Variants in SIPA1L1 observed in about 807,000 individuals in gnomAD.
SIPA1L1 encodes signal-induced proliferation-associated 1-like protein 1.
SIPA1L1 carries 26 observed loss-of-function variants against 162.7 expected under a neutral mutation model. The observed-to-expected ratio is 0.16, with a 90% CI of 0.12 to 0.22. The LOEUF (loss-of-function observed/expected upper bound fraction) is 0.22, where lower values mean the gene tolerates loss of function less well. Among genes scored for constraint, SIPA1L1 ranks in the 10% least tolerant of loss-of-function variants. The pLI is 1.00. For missense variants in SIPA1L1, 1,874 were observed against 2,241.0 expected (o/e 0.84, Z 3.31); for synonymous variants, 829 against 837.4 (o/e 0.99, Z 0.17).
intron 3 of SIPA1L1, among the ~76,000 whole-genome samples, chr14:71,517,423 A>G (rs942289966): frequency 1.3e-5 from 2 of 152,216 alleles, no homozygotes; most frequent in African/African-American, 4.8e-5. Context: ...TTTTCCTGCA[A>G]ACAAAACCAC....
chr14:71,540,217 C>T (rs1448201326), intron 4 of SIPA1L1, among the ~76,000 whole-genome samples: 1 of 152,206 alleles, frequency 6.6e-6, no homozygotes, highest in African/African-American at 2.4e-5. Context: ...GCTAGTTCCT[C>T]TGAGGGGAAG....
intron 17 of SIPA1L1, among the ~76,000 whole-genome samples, chr14:71,721,053 C>G (rs1395699735): frequency 6.6e-6 from 1 of 152,150 alleles, no homozygotes; most frequent in East Asian, 1.9e-4. Flanking sequence ...TTATTCCAAT[C>G]TTGGCAGCCT....
At chr14:71,346,480 A>G (rs1442101479) in intron 2 of SIPA1L1, among the ~76,000 whole-genome samples, 3 of 152,214 alleles carry the variant, frequency 2.0e-5, no homozygotes, top group Non-Finnish European at 4.4e-5. Context: ...AAGGTGTCTC[A>G]TGAAGCTCAG....
intron 2 of SIPA1L1, among the ~76,000 whole-genome samples, chr14:71,339,409 C>T (rs2140391221): frequency 6.6e-6 from 1 of 150,526 alleles, no homozygotes; most frequent in East Asian, 2.0e-4. Flanking sequence ...GTAGGCCAGG[C>T]TGGAGTGCAG....
At chr14:71,509,085 T>C (rs934141503) in intron 2 of SIPA1L1, among the ~76,000 whole-genome samples, 1 of 152,198 alleles carries the variant, frequency 6.6e-6, no homozygotes, top group South Asian at 2.1e-4. Context: ...GAAAATTTAT[T>C]TGAAGGTCCG....
At chr14:71,720,229 T>C (rs1249174813) in intron 17 of SIPA1L1, among the ~76,000 whole-genome samples, 1 of 152,204 alleles carries the variant, frequency 6.6e-6, no homozygotes, top group East Asian at 1.9e-4. Flanking sequence ...GAATAAACTT[T>C]GTGCCCCGAT....
chr14:71,620,413 T>A (rs2039310189), intron 6 of SIPA1L1, among the ~76,000 whole-genome samples: 1 of 152,196 alleles, frequency 6.6e-6, no homozygotes, highest in Non-Finnish European at 1.5e-5. Flanking sequence ...TACTTCCAAG[T>A]ATTTTTGTCT....
At chr14:71,738,746 CCTGA>C (rs1218017326) in intron 23 of SIPA1L1, among the ~76,000 whole-genome samples, 1 of 152,112 alleles carries the variant, frequency 6.6e-6, no homozygotes, top group African/African-American at 2.4e-5. Flanking sequence ...TTAAGACAAT[CCTGA>C]CTAACAAGGA....
chr14:71,453,356 C>T (rs911182475), intron 2 of SIPA1L1, among the ~76,000 whole-genome samples: 8 of 152,094 alleles, frequency 5.3e-5, no homozygotes, highest in East Asian at 1.9e-4. Context: ...CTTGACCTCC[C>T]GGGCTCGAGC....
intron 2 of SIPA1L1, among the ~76,000 whole-genome samples, chr14:71,471,305 C>T (rs920323392): frequency 6.6e-6 from 1 of 152,158 alleles, no homozygotes; most frequent in African/African-American, 2.4e-5. Context: ...TCCATCTCTA[C>T]TAAGAATACG....
chr14:71,341,340 C>A (rs1260682588), intron 2 of SIPA1L1, among the ~76,000 whole-genome samples: 1 of 152,316 alleles, frequency 6.6e-6, no homozygotes, highest in Admixed American at 6.5e-5. Flanking sequence ...GAAATGCTTT[C>A]TTTTTCATCT....
At chr14:71,382,053 A>C (rs1034545239) in intron 2 of SIPA1L1, among the ~76,000 whole-genome samples, 13 of 152,226 alleles carry the variant, frequency 8.5e-5, no homozygotes, top group African/African-American at 3.1e-4. Context: ...GAGTGTGCTT[A>C]AATGTGAGAA....
chr14:71,737,172 C>T (rs779010591), intron 22 of SIPA1L1, among the ~76,000 whole-genome samples: 4 of 152,204 alleles, frequency 2.6e-5, no homozygotes, highest in African/African-American at 7.2e-5. Flanking sequence ...CTGTACACCA[C>T]GGTGGGTTTT....
At chr14:71,544,018 C>T (rs936948978) in intron 4 of SIPA1L1, among the ~76,000 whole-genome samples, 9 of 147,990 alleles carry the variant, frequency 6.1e-5, no homozygotes, top group Admixed American at 6.0e-4. Flanking sequence ...TATATATACA[C>T]ATACGCACAT....
chr14:71,621,427 G>A (rs936893757), intron 6 of SIPA1L1, among the ~76,000 whole-genome samples: 1 of 151,914 alleles, frequency 6.6e-6, no homozygotes, highest in African/African-American at 2.4e-5. Flanking sequence ...CTTCCTACCT[G>A]GGCCACCTCA....
At chr14:71,684,629 C>A (rs1242031238) in intron 12 of SIPA1L1, among the ~76,000 whole-genome samples, 3 of 151,402 alleles carry the variant, frequency 2.0e-5, no homozygotes, top group Non-Finnish European at 4.4e-5. Flanking sequence ...AGAGCCTGGT[C>A]ATGGTGTGCA....
At chr14:71,420,474 T>C (rs985926865) in intron 2 of SIPA1L1, among the ~76,000 whole-genome samples, 2 of 152,258 alleles carry the variant, frequency 1.3e-5, no homozygotes, top group Non-Finnish European at 2.9e-5. Flanking sequence ...AACTCATCTT[T>C]GTTGTGTAAA....
At chr14:71,437,148 T>C (rs2044452423) in intron 2 of SIPA1L1, among the ~76,000 whole-genome samples, 1 of 152,208 alleles carries the variant, frequency 6.6e-6, no homozygotes, top group Non-Finnish European at 1.5e-5. Context: ...TTTTAAAGCA[T>C]TGATCCTCTA....
chr14:71,444,479 G>T (rs1294498675), intron 2 of SIPA1L1, among the ~76,000 whole-genome samples: 1 of 152,148 alleles, frequency 6.6e-6, no homozygotes, highest in African/African-American at 2.4e-5. Flanking sequence ...CTAATTCATG[G>T]TTCTCAGAAT....
Sources: gnomAD v4.1 joint callset for allele counts (sites outside exome capture counted in the v4.1 genomes callset) on GRCh38, gnomAD v4.1.1 for gene constraint, MANE v1.5 for transcripts, NCBI Gene and HGNC (gene_info 2026-07-23, HGNC 2026-07-21) for gene names.